The following COL26A1 variants were observed in gnomAD, a reference collection of about 807,000 sequenced individuals.
The protein encoded by COL26A1 is collagen type XXVI alpha 1 chain, also known as collagen alpha-1(XXVI) chain.
A neutral mutation model predicts 59.3 loss-of-function variants in COL26A1; 41 were observed. The observed-to-expected ratio is 0.69, with a 90% CI of 0.54 to 0.90. COL26A1 has a LOEUF of 0.90. COL26A1 is among the 40% of genes least tolerant of loss of function. The pLI, the probability that COL26A1 is intolerant of heterozygous loss-of-function variation, is 0.00. For synonymous variants in COL26A1, 266 were observed against 256.0 expected, an observed-to-expected ratio of 1.04 and a Z score of -0.37; for missense variants, 612 against 602.3, an observed-to-expected ratio of 1.02 and a Z score of -0.17.
chr7:101,438,330 C>T (rs1792966538), intron 2 of COL26A1, among the ~76,000 whole-genome samples: 1 of 151,460 alleles, frequency 6.6e-6, no homozygotes, highest in Non-Finnish European at 1.5e-5. Context: ...CATTGCACTC[C>T]AGCCTGGGCA....
chr7:101,518,556 C>T (rs58715505), intron 3 of COL26A1, among the ~76,000 whole-genome samples: 6,444 of 152,256 alleles, frequency 0.042, 473 homozygotes, highest in African/African-American at 0.15. Context: ...CAGGCCCAGG[C>T]GGGGCCAGCT....
intron 3 of COL26A1, among the ~76,000 whole-genome samples, chr7:101,474,644 G>GC (rs1367091221): frequency 1.3e-5 from 2 of 152,076 alleles, no homozygotes; most frequent in African/African-American, 4.8e-5. Flanking sequence ...TGTGTCTGGG[G>GC]CTATGGTGAA....
At chr7:101,444,153 C>T (rs1310284374) in intron 2 of COL26A1, among the ~76,000 whole-genome samples, 2 of 152,050 alleles carry the variant, frequency 1.3e-5, no homozygotes, top group African/African-American at 4.8e-5. Context: ...GCTAGGACTA[C>T]AGGTGTAACC....
chr7:101,527,491 C>G (rs1326106941), intron 3 of COL26A1, among the ~76,000 whole-genome samples: 1 of 137,414 alleles, frequency 7.3e-6, no homozygotes, highest in Non-Finnish European at 1.6e-5. Flanking sequence ...CCACGTCCAG[C>G]TGATTTTTTT....
intron 3 of COL26A1, among the ~76,000 whole-genome samples, chr7:101,449,518 C>T (rs1793278815): frequency 1.3e-5 from 2 of 152,218 alleles, no homozygotes; most frequent in South Asian, 4.1e-4. Flanking sequence ...ACTGTAATCC[C>T]AGCATTTCAG....
chr7:101,368,926 A>AAAAAC (rs5886177), intron 1 of COL26A1, among the ~76,000 whole-genome samples: 4 of 151,002 alleles, frequency 2.6e-5, no homozygotes, highest in Non-Finnish European at 4.4e-5. Context: ...CCAAAAAAAA[A>AAAAAC]AATTCTTTTT....
intron 1 of COL26A1, among the ~76,000 whole-genome samples, chr7:101,396,049 G>C (rs1488293703): frequency 6.6e-6 from 1 of 152,154 alleles, no homozygotes; most frequent in Admixed American, 6.6e-5. Context: ...CTTGAGCCCA[G>C]GAGTTTGAGG....
At chr7:101,387,761 TATATATATATATATATA>T (rs1331483045) in intron 1 of COL26A1, among the ~76,000 whole-genome samples, 2 of 78,438 alleles carry the variant, frequency 2.5e-5, no homozygotes, top group Non-Finnish European at 5.0e-5. Flanking sequence ...TATTTATATA[TATATATATATATATATA>T]TTTTTTTTTA....
At chr7:101,495,506 T>C (rs1794566059) in intron 3 of COL26A1, among the ~76,000 whole-genome samples, 2 of 151,958 alleles carry the variant, frequency 1.3e-5, no homozygotes, top group African/African-American at 4.8e-5. Flanking sequence ...CCTCCCAGGT[T>C]CACGCCATTC....
chr7:101,497,618 G>GT (rs1794617957), intron 3 of COL26A1, among the ~76,000 whole-genome samples: 1 of 152,142 alleles, frequency 6.6e-6, no homozygotes, highest in Non-Finnish European at 1.5e-5. Context: ...TGAGGCTGCA[G>GT]TGAGCTGTCA....
chr7:101,442,002 C>G (rs1793070148), intron 2 of COL26A1, among the ~76,000 whole-genome samples: 1 of 152,102 alleles, frequency 6.6e-6, no homozygotes, highest in African/African-American at 2.4e-5. Flanking sequence ...GGGACAGAGC[C>G]CAAATGCCAG....
At chr7:101,516,295 G>A (rs912429343) in intron 3 of COL26A1, among the ~76,000 whole-genome samples, 2 of 151,952 alleles carry the variant, frequency 1.3e-5, no homozygotes, top group Non-Finnish European at 2.9e-5. Context: ...GAGAGAAAGA[G>A]AGTTTTGCTC....
intron 1 of COL26A1, among the ~76,000 whole-genome samples, chr7:101,405,856 C>T (rs1584379374): frequency 1.3e-5 from 2 of 152,246 alleles, no homozygotes; most frequent in Non-Finnish European, 2.9e-5. Context: ...CAGCCCTTCC[C>T]GCCAGTGCGC....
chr7:101,505,920 AC>A (rs1379434600), intron 3 of COL26A1, among the ~76,000 whole-genome samples: 3 of 152,216 alleles, frequency 2.0e-5, no homozygotes, highest in Non-Finnish European at 2.9e-5. Flanking sequence ...ATGGACAGAC[AC>A]TTGCCTAAGA....
chr7:101,515,495 G>T (rs936632087), intron 3 of COL26A1, among the ~76,000 whole-genome samples: 5 of 152,020 alleles, frequency 3.3e-5, no homozygotes, highest in African/African-American at 1.2e-4. Context: ...TGTTGGCCAG[G>T]CTGGTCTGGA....
intron 1 of COL26A1, among the ~76,000 whole-genome samples, chr7:101,402,095 A>C (rs999465971): frequency 6.6e-6 from 1 of 152,158 alleles, no homozygotes; most frequent in Non-Finnish European, 1.5e-5. Flanking sequence ...AGGGGAACTG[A>C]GGAATTTCTC....
chr7:101,467,907 T>C (rs1793803159), intron 3 of COL26A1, among the ~76,000 whole-genome samples: 1 of 151,998 alleles, frequency 6.6e-6, no homozygotes, highest in South Asian at 2.1e-4. Flanking sequence ...AGCCGCCATG[T>C]TGAACCTACC....
intron 3 of COL26A1, among the ~76,000 whole-genome samples, chr7:101,489,341 C>T (rs1182980701): frequency 6.6e-6 from 1 of 152,204 alleles, no homozygotes. Context: ...ATTCCATCCT[C>T]TGTCACCCTA....
chr7:101,367,427 G>A (rs957748004), intron 1 of COL26A1, among the ~76,000 whole-genome samples: 6 of 152,140 alleles, frequency 3.9e-5, no homozygotes, highest in Admixed American at 3.9e-4. Context: ...CACTTTGGGA[G>A]GCCCAGGTGG....
Sources: allele counts gnomAD v4.1 joint callset (sites outside exome capture counted in the v4.1 genomes callset), GRCh38; gene constraint gnomAD v4.1.1; transcripts MANE v1.5; gene names NCBI Gene and HGNC (gene_info 2026-07-23, HGNC 2026-07-21).